CLNK: variants seen among roughly 807,000 people sequenced by gnomAD.
The protein encoded by CLNK is cytokine-dependent hematopoietic cell linker.
CLNK carries 74 observed loss-of-function variants against 68.6 expected under a neutral mutation model. The observed-to-expected ratio is 1.08, with a 90% CI of 0.89 to 1.31. CLNK has a LOEUF of 1.31. Among genes scored for constraint, CLNK ranks in the 50% most tolerant of loss-of-function variants. CLNK has a pLI of 0.00. For missense variants in CLNK, 553 were observed against 515.3 expected (o/e 1.07, Z -0.71); for synonymous variants, 198 against 172.2 (o/e 1.15, Z -1.17).
chr4:10,667,540 C>T (rs938404469), intron 2 of CLNK, among the ~76,000 whole-genome samples: 1 of 152,018 alleles, frequency 6.6e-6, no homozygotes, highest in Admixed American at 6.6e-5. Flanking sequence ...AACCACTGTC[C>T]TTTTACCTAT....
intron 1 of CLNK, among the ~76,000 whole-genome samples, chr4:10,673,077 A>C (rs1724719867): frequency 1.3e-5 from 2 of 152,244 alleles, no homozygotes; most frequent in Admixed American, 1.3e-4. Flanking sequence ...TTTTCTAATC[A>C]TGTCAAGCAT....
chr4:10,700,004 A>ATGTGTGTGTGTGTG, the CLNK span, among the ~76,000 whole-genome samples: 10,317 of 144,978 alleles, frequency 0.071, 459 homozygotes, highest in South Asian at 0.12. Flanking sequence ...GTGTGTGCAT[A>ATGTGTGTGTGTGTG]TGTGTGTGTG....
chr4:10,704,740 GGCT>G, the CLNK span, among the ~76,000 whole-genome samples: 29 of 152,204 alleles, frequency 1.9e-4, no homozygotes, highest in Non-Finnish European at 3.4e-4. Flanking sequence ...TCTGCTTCCT[GGCT>G]GTGGAATCAG....
At chr4:10,501,812 A>G (rs1290753183) in intron 17 of CLNK, among the ~76,000 whole-genome samples, 1 of 152,208 alleles carries the variant, frequency 6.6e-6, no homozygotes, top group South Asian at 2.1e-4. Context: ...CTGTAATCCC[A>G]GCTACTCAGG....
chr4:10,588,050 A>G (rs1036777568), intron 3 of CLNK, among the ~76,000 whole-genome samples: 1 of 152,150 alleles, frequency 6.6e-6, no homozygotes, highest in African/African-American at 2.4e-5. Context: ...TTGGTCTTTG[A>G]TTAAGGCCTC....
chr4:10,718,706 C>G, the CLNK span, among the ~76,000 whole-genome samples: 2 of 151,832 alleles, frequency 1.3e-5, no homozygotes, highest in South Asian at 4.1e-4. Context: ...GTTAAGAAAT[C>G]TTGGAACATC....
At chr4:10,621,738 G>GTGGGGTC (rs1314878826) in intron 2 of CLNK, among the ~76,000 whole-genome samples, 15 of 152,200 alleles carry the variant, frequency 9.9e-5, no homozygotes, top group African/African-American at 3.4e-4. Context: ...CACTTTCCAG[G>GTGGGGTC]TGGGGTCTGG....
At chr4:10,684,074 G>A (rs533432600) in intron 1 of CLNK, among the ~76,000 whole-genome samples, 1 of 152,148 alleles carries the variant, frequency 6.6e-6, no homozygotes, top group African/African-American at 2.4e-5. Context: ...TAAAAGCCTG[G>A]TAGAGATGAC....
At chr4:10,733,414 A>G in the CLNK span, among the ~76,000 whole-genome samples, 1 of 152,162 alleles carries the variant, frequency 6.6e-6, no homozygotes, top group African/African-American at 2.4e-5. Context: ...GAGACAGTCA[A>G]GTTCCTGCTT....
At chr4:10,646,942 T>C (rs1347734169) in intron 2 of CLNK, among the ~76,000 whole-genome samples, 2 of 152,206 alleles carry the variant, frequency 1.3e-5, no homozygotes, top group African/African-American at 4.8e-5. Context: ...TGAAGAAATA[T>C]GTGTTCAAGA....
At chr4:10,645,684 T>C (rs1375012657) in intron 2 of CLNK, among the ~76,000 whole-genome samples, 1 of 152,198 alleles carries the variant, frequency 6.6e-6, no homozygotes, top group Non-Finnish European at 1.5e-5. Context: ...TAAAACTGTA[T>C]GTGTAGACAC....
chr4:10,545,526 A>G (rs1053033123), intron 8 of CLNK, among the ~76,000 whole-genome samples: 2 of 151,790 alleles, frequency 1.3e-5, no homozygotes, highest in Non-Finnish European at 2.9e-5. Context: ...CAGGTTGGCA[A>G]TGCACACCAG....
intron 18 of CLNK, among the ~76,000 whole-genome samples, chr4:10,493,387 T>C (rs899778339): frequency 2.0e-5 from 3 of 152,132 alleles, no homozygotes; most frequent in African/African-American, 7.2e-5. Context: ...ATGTCTCACT[T>C]TCTGGAGTCT....
chr4:10,534,546 C>T (rs1718665220), intron 11 of CLNK, among the ~76,000 whole-genome samples: 2 of 152,152 alleles, frequency 1.3e-5, no homozygotes, highest in South Asian at 2.1e-4. Flanking sequence ...AATTCTCTCT[C>T]TGAAGCTTAG....
intron 15 of CLNK, among the ~76,000 whole-genome samples, chr4:10,516,009 C>G (rs1717819751): frequency 6.6e-6 from 1 of 152,000 alleles, no homozygotes; most frequent in Non-Finnish European, 1.5e-5. Flanking sequence ...CTCTATATAC[C>G]TCAATCAAAA....
At chr4:10,596,479 T>C in intron 3 of CLNK, among the ~76,000 whole-genome samples, 1 of 152,238 alleles carries the variant, frequency 6.6e-6, no homozygotes, top group East Asian at 1.9e-4. Flanking sequence ...TTCTTCCTTA[T>C]CTTATCATCA....
Position 10,598,012 on chromosome 4 carries a change from A to C in CLNK, c.49T>G (p.Leu17Val). The part of the protein sequence containing the change: ...RKTTKEGSND[L>V]KFQNFSLPKN... ...GGCAGACTGAAGTTCTGGAATTTCA[A>C]ATCGTTGGATCCTTCTTTAGTTGTC... The change falls in exon 3 of 19, where the codon TTG becomes GTG. Residue 17 changes from leucine to valine, a missense_variant. Physicochemically the swap from Leu to Val is conservative, Grantham distance 32 (BLOSUM62 1). Coordinates refer to ENST00000226951, the MANE Select transcript of CLNK (RefSeq NM_052964.4). The C allele has an allele frequency of 6.3e-7, 1 of 1,589,730 alleles. No homozygotes were observed. The highest frequency in any genetic ancestry group is 8.6e-7 in the Non-Finnish European group (1 of 1,166,476).
intron 8 of CLNK, among the ~76,000 whole-genome samples, chr4:10,546,176 C>T (rs1719224579): frequency 6.6e-6 from 1 of 152,148 alleles, no homozygotes; most frequent in Non-Finnish European, 1.5e-5. Flanking sequence ...TTGGTTTTCT[C>T]CTCTGAAGAC....
At chr4:10,514,531 G>A (rs1717745332) in intron 15 of CLNK, among the ~76,000 whole-genome samples, 1 of 143,460 alleles carries the variant, frequency 7.0e-6, no homozygotes, top group Non-Finnish European at 1.5e-5. Flanking sequence ...ATGGTGCTGG[G>A]AAAACTGGCT....
Sources: gnomAD v4.1 joint callset for allele counts (sites outside exome capture counted in the v4.1 genomes callset) on GRCh38, gnomAD v4.1.1 for gene constraint, MANE v1.5 for transcripts, NCBI Gene and HGNC (gene_info 2026-07-23, HGNC 2026-07-21) for gene names.